Variants in AKNA observed in about 807,000 individuals in gnomAD.
AKNA encodes the protein AT-hook transcription factor.
AKNA carries 67 observed loss-of-function variants against 138.8 expected under a neutral mutation model. The observed-to-expected ratio is 0.48, with a 90% CI of 0.40 to 0.59. AKNA has a LOEUF of 0.59. Among genes scored for constraint, AKNA ranks in the 20% least tolerant of loss-of-function variants. AKNA has a pLI of 0.00. For missense variants in AKNA, 1,813 were observed against 1,880.4 expected (o/e 0.96, Z 0.66); for synonymous variants, 737 against 754.4 (o/e 0.98, Z 0.38).
At chr9:114,370,774 G>T (rs990994205) in intron 4 of AKNA, among the ~76,000 whole-genome samples, 2 of 152,178 alleles carry the variant, frequency 1.3e-5, no homozygotes, top group Non-Finnish European at 2.9e-5. Flanking sequence ...AATGCTAATG[G>T]GCTTTATGAA....
Position 114,377,031 on chromosome 9 carries a change from G to C in AKNA, c.776C>G (p.Pro259Arg). ...RTGGSVARAT[P>R]MEFQDSSAPP... ...AGCTGAGGAGTCCTGGAATTCCATGGGGGTTGCCCGAGCAACACTGCCTCC... is the reference window on the plus strand; with the variant it reads ...AGCTGAGGAGTCCTGGAATTCCATGCGGGTTGCCCGAGCAACACTGCCTCC... Residue 259 changes from proline to arginine, a missense_variant, in exon 3 of 22, where the codon CCC becomes CGC. Coordinates refer to ENST00000374088, the MANE Select transcript of AKNA (RefSeq NM_001317950.2). 1 of 1,614,080 alleles carries C rather than the reference G, an allele frequency of 6.2e-7. No homozygotes were observed. The highest frequency in any genetic ancestry group is 8.5e-7 in the Non-Finnish European group (1 of 1,179,990).
Position 114,359,972 on chromosome 9 carries a change from T to TCACAG in AKNA, c.2214_2215insCTGTG (p.Arg739LeufsTer2). 1 of 1,614,254 alleles carries TCACAG rather than the reference T, an allele frequency of 6.2e-7. No individual in the cohort carries two copies. Among genetic ancestry groups the TCACAG allele is most frequent in the Non-Finnish European group, 8.5e-7 (1 of 1,180,044 alleles). On this transcript the variant is annotated frameshift_variant, in exon 10 of 22. Transcript: ENST00000374088. LOFTEE classifies it high-confidence loss of function. ...AGTCGGGCCAGGGGGTCCTGTGGCC[T>TCACAG]GTCCTCCACCTCACTGTTGCCAGAG...
In AKNA at chr9:114,335,072, A is replaced by G. The variant is rs2131737109; in HGVS notation, c.*1982T>C. The G allele has an allele frequency of 6.6e-6, 1 of 152,290 alleles. No homozygotes were observed. Among genetic ancestry groups the G allele is most frequent in the South Asian group, 2.1e-4 (1 of 4,822 alleles). The allele number at this position is 152,290 out of a possible 1,614,324, so 9.4% of individuals were successfully genotyped here. A position where few individuals can be genotyped will look rare whatever the true frequency, so the allele number is the denominator to read the frequency against. On this transcript the variant is annotated 3_prime_UTR_variant, in exon 22 of 22. Transcript: ENST00000374088. ...TCAGTGAGACACCATTTTCAACCAT[A>G]CTCAGGAGGATCCGCTGAAAAATGA...
At chr9:114,360,111 C>A (rs759170255) in intron 9 of AKNA, 49 bp from the exon 10 acceptor site, 2 of 1,612,326 alleles carry the variant, frequency 1.2e-6, no homozygotes, top group East Asian at 4.5e-5. Context: ...TAGTTAAACA[C>A]CACTTTTAAG....
At chr9:114,383,767 G>T (rs1021198029) in intron 1 of AKNA, among the ~76,000 whole-genome samples, 2 of 152,198 alleles carry the variant, frequency 1.3e-5, no homozygotes, top group African/African-American at 4.8e-5. Flanking sequence ...TGGACACAAA[G>T]TTCCCCAGGG....
At chr9:114,384,578 C>T (rs1833904463) in intron 1 of AKNA, among the ~76,000 whole-genome samples, 1 of 152,164 alleles carries the variant, frequency 6.6e-6, no homozygotes, top group African/African-American at 2.4e-5. Flanking sequence ...GGATGTAGGC[C>T]TTTATGATGA....
chr9:114,337,003 C>T lies in AKNA; in HGVS notation c.*51G>A, dbSNP rs1261015818. On this transcript the variant is annotated 3_prime_UTR_variant, in exon 22 of 22. Coordinates refer to ENST00000374088, the MANE Select transcript of AKNA (RefSeq NM_001317950.2). Reference sequence around the variant, plus strand: ...CAGCTCCAGCCCACTCCTGGCCTGGCAGGCCACCTGCCCACCCACCCACCC... The same window carrying T: ...CAGCTCCAGCCCACTCCTGGCCTGGTAGGCCACCTGCCCACCCACCCACCC... 8 of 1,393,490 alleles carry T rather than the reference C, an allele frequency of 5.7e-6. No individual in the cohort carries two copies. The highest frequency in any genetic ancestry group is 1.5e-5 in the South Asian group (1 of 68,098). The allele number at this position is 1,393,490 out of a possible 1,614,324, so 86.3% of individuals were successfully genotyped here. A position where few individuals can be genotyped will look rare whatever the true frequency, so the allele number is the denominator to read the frequency against.
intron 8 of AKNA, among the ~76,000 whole-genome samples, 162 bp from the exon 9 acceptor site, chr9:114,362,073 A>T (rs1020696309): frequency 1.3e-5 from 2 of 152,168 alleles, no homozygotes; most frequent in African/African-American, 4.8e-5. Context: ...GCAAGATGAA[A>T]GAAGGTTCCA....
intron 19 of AKNA, among the ~76,000 whole-genome samples, chr9:114,342,858 T>TGATG (rs989413074): frequency 1.1e-4 from 16 of 143,864 alleles, no homozygotes; most frequent in African/African-American, 4.5e-4. Flanking sequence ...TAGGGGTAAG[T>TGATG]GATGAATGAA....
chr9:114,393,165 G>A (rs1834410469), intron 1 of AKNA, among the ~76,000 whole-genome samples: 1 of 151,676 alleles, frequency 6.6e-6, no homozygotes, highest in Admixed American at 6.6e-5. Flanking sequence ...TATTTTATAG[G>A]TGAGGAAGCT....
intron 1 of AKNA, among the ~76,000 whole-genome samples, chr9:114,382,785 T>C (rs1833783490): frequency 6.6e-6 from 1 of 152,030 alleles, no homozygotes; most frequent in South Asian, 2.1e-4. Flanking sequence ...GGTAACTCCT[T>C]GGAGAGTGAA....
At chr9:114,391,854 A>C (rs1834354332), upstream of AKNA, among the ~76,000 whole-genome samples, 4 of 16,068 alleles carry the variant, frequency 2.5e-4, no homozygotes, top group Admixed American at 1.1e-3. Flanking sequence ...ACTCTGTCTC[A>C]AAAAAAAAAA....
chr9:114,368,912 C>T (rs1832566621), intron 4 of AKNA, among the ~76,000 whole-genome samples: 1 of 152,218 alleles, frequency 6.6e-6, no homozygotes, highest in Non-Finnish European at 1.5e-5. Flanking sequence ...AGGATCACAA[C>T]ACTGCTCTAT....
chr9:114,342,245 C>T (rs1221671760), intron 19 of AKNA, 120 bp from the exon 20 acceptor site: 1 of 648,028 alleles, frequency 1.5e-6, no homozygotes, highest in Admixed American at 3.3e-5. Flanking sequence ...AGGGGACAAG[C>T]TGCCTCCATC....
intron 6 of AKNA, among the ~76,000 whole-genome samples, chr9:114,367,127 A>G (rs1832421687): frequency 6.6e-6 from 1 of 152,182 alleles, no homozygotes; most frequent in African/African-American, 2.4e-5. Flanking sequence ...AAGACCCTTG[A>G]GAAGTAACTA....
At chr9:114,380,433 A>G (rs962076383) in intron 2 of AKNA, among the ~76,000 whole-genome samples, 2 of 152,212 alleles carry the variant, frequency 1.3e-5, no homozygotes, top group Non-Finnish European at 2.9e-5. Flanking sequence ...AGCAGGTTAC[A>G]AGGAAGCATG....
chr9:114,366,212 G>C (rs373262253), intron 6 of AKNA, among the ~76,000 whole-genome samples: 8 of 151,706 alleles, frequency 5.3e-5, no homozygotes, highest in African/African-American at 7.3e-5. Context: ...CCCGGGAAGC[G>C]GAGGTTGCAG....
At chr9:114,362,584 C>T in intron 7 of AKNA, 51 bp from the exon 8 acceptor site, 1 of 1,585,722 alleles carries the variant, frequency 6.3e-7, no homozygotes, top group South Asian at 1.1e-5. Context: ...CCCGCGGGGC[C>T]TGTCCCTGAA....
At chr9:114,350,806 G>A (rs189353795) in intron 15 of AKNA, 53 bp downstream of exon 15, 224 of 1,498,588 alleles carry the variant, frequency 1.5e-4, no homozygotes, top group Non-Finnish European at 1.9e-4. Context: ...GTCGCATCAC[G>A]CTCCCGTCTG....
Sources: gnomAD v4.1 joint callset for allele counts (sites outside exome capture counted in the v4.1 genomes callset) on GRCh38, gnomAD v4.1.1 for gene constraint, MANE v1.5 for transcripts, NCBI Gene and HGNC (gene_info 2026-07-23, HGNC 2026-07-21) for gene names.